CELF2: variants seen among roughly 807,000 people sequenced by gnomAD.
CELF2 encodes CUGBP Elav-like family member 2.
A neutral mutation model predicts 62.6 loss-of-function variants in CELF2; 8 were observed. The ratio of observed to expected loss-of-function variants is 0.13; its 90% CI spans 0.07 to 0.23. CELF2 has a LOEUF of 0.23. Among genes scored for constraint, CELF2 ranks in the 10% least tolerant of loss-of-function variants. The pLI is 1.00. For synonymous variants in CELF2, 258 were observed against 250.0 expected (o/e 1.03, Z -0.30); for missense variants, 333 against 671.0 (o/e 0.50, Z 5.56).
rs986059957 is a variant in CELF2 at position 11,302,052 on chromosome 10, G to A, written c.977-12087G>A. Among the ~76,000 whole-genome samples, 1 of 152,166 alleles carries A rather than the reference G, an allele frequency of 6.6e-6. No individual in the cohort carries two copies. Among genetic ancestry groups the A allele is most frequent in the African/African-American group, 2.4e-5 (1 of 41,448 alleles). ...TGATTCTCATAGTTTCTAGGGAAAC[G>A]GACAAGCAAATCCCTGCTCTTCAAC... On this transcript the variant is annotated intron_variant, in intron 9 of 12. Coordinates refer to ENST00000633077, the MANE Select transcript of CELF2 (RefSeq NM_001326342.2). The surrounding 1 kb of genome is among the most constrained non-coding windows in gnomAD (Gnocchi z 5.0).
At chr10:11,095,349 C>T (rs891325781) in intron 1 of CELF2, among the ~76,000 whole-genome samples, 11 of 152,076 alleles carry the variant, frequency 7.2e-5, no homozygotes, top group African/African-American at 2.7e-4. Flanking sequence ...CGGTTGTGTG[C>T]GGCATCATCC....
At chr10:10,515,569 C>G in the CELF2 span, among the ~76,000 whole-genome samples, 2 of 152,190 alleles carry the variant, frequency 1.3e-5, no homozygotes, top group Admixed American at 1.3e-4. Flanking sequence ...TCCTTTTTAG[C>G]TCAGTGTCCC....
intron 1 of CELF2, among the ~76,000 whole-genome samples, chr10:11,142,697 A>AG (rs1388020958): frequency 1.3e-5 from 2 of 151,782 alleles, no homozygotes; most frequent in African/African-American, 4.8e-5. Context: ...AAAAAAAAAA[A>AG]AAAAAAGCAG....
At chr10:10,645,120 C>A in the CELF2 span, among the ~76,000 whole-genome samples, 4 of 152,156 alleles carry the variant, frequency 2.6e-5, no homozygotes, top group Non-Finnish European at 4.4e-5. Context: ...CAGTAGGGTG[C>A]CATGTAGCTT....
chr10:10,472,064 G>A, the CELF2 span, among the ~76,000 whole-genome samples: 1 of 151,734 alleles, frequency 6.6e-6, no homozygotes, highest in African/African-American at 2.4e-5. Context: ...ATTACAAGGT[G>A]CTTACGAATA....
chr10:11,119,692 G>A lies in CELF2; in HGVS notation c.75-45794G>A, dbSNP rs1311233108. Reference sequence around the variant, plus strand: ...AGTGAGGGATACAAACATACAAATAGACTTTTCACAGAGAAAGAAATACAA... The same window carrying A: ...AGTGAGGGATACAAACATACAAATAAACTTTTCACAGAGAAAGAAATACAA... On this transcript the variant is annotated intron_variant, in intron 1 of 12. Transcript: ENST00000633077. Among the ~76,000 whole-genome samples, 7 of 151,850 alleles carry A rather than the reference G, an allele frequency of 4.6e-5. No homozygotes were observed. In the East Asian group the frequency reaches 1.4e-3, roughly 29 times the overall value.
the CELF2 span, among the ~76,000 whole-genome samples, chr10:10,617,711 G>T: frequency 2.7e-4 from 12 of 44,770 alleles, no homozygotes; most frequent in South Asian, 2.5e-3. Flanking sequence ...CTTTGTAAAG[G>T]GGGGGGAAAT....
chr10:10,777,195 C>A, the CELF2 span, among the ~76,000 whole-genome samples: 1 of 152,166 alleles, frequency 6.6e-6, no homozygotes, highest in Non-Finnish European at 1.5e-5. Flanking sequence ...TTCCACTCCA[C>A]CAGCTTTAGA....
intron 1 of CELF2, chr10:10,846,033 C>T (rs1564709116): frequency 2.4e-6 from 2 of 826,316 alleles, no homozygotes; most frequent in African/African-American, 3.7e-5. Flanking sequence ...TAAAATGACT[C>T]ATTAACCTGT....
chr10:10,490,296 C>T, the CELF2 span, among the ~76,000 whole-genome samples: 1 of 152,086 alleles, frequency 6.6e-6, no homozygotes. Context: ...TTAAGGCTTG[C>T]AAAATTGTCA....
At chr10:10,627,547 C>G in the CELF2 span, among the ~76,000 whole-genome samples, 1 of 152,176 alleles carries the variant, frequency 6.6e-6, no homozygotes, top group Non-Finnish European at 1.5e-5. Flanking sequence ...CACTGAAGCT[C>G]TTTCACAGAT....
intron 1 of CELF2, among the ~76,000 whole-genome samples, chr10:10,884,611 C>T (rs1295861068): frequency 1.3e-5 from 2 of 152,166 alleles, no homozygotes; most frequent in Non-Finnish European, 2.9e-5. Context: ...TTTGCCTACC[C>T]ATACATTCAA....
At chr10:10,569,542 A>G in the CELF2 span, among the ~76,000 whole-genome samples, 1 of 152,224 alleles carries the variant, frequency 6.6e-6, no homozygotes, top group African/African-American at 2.4e-5. Flanking sequence ...CTATCAGTAA[A>G]GGATAAAATA....
the CELF2 span, among the ~76,000 whole-genome samples, chr10:10,604,105 G>T: frequency 6.6e-6 from 1 of 152,158 alleles, no homozygotes; most frequent in Non-Finnish European, 1.5e-5. Context: ...CACTACTAGG[G>T]AGGCTGAGGC....
the CELF2 span, among the ~76,000 whole-genome samples, chr10:10,610,475 T>C: frequency 1.3e-5 from 2 of 152,228 alleles, no homozygotes; most frequent in Admixed American, 1.3e-4. Context: ...TTGAGGTTGG[T>C]ATTTTTTTAG....
At position 11,305,952 on chromosome 10, in the gene CELF2, C is replaced by T. The variant is rs2094172540; in HGVS notation, c.977-8187C>T. Among the ~76,000 whole-genome samples, 1 of 152,224 alleles carries T rather than the reference C, an allele frequency of 6.6e-6. No homozygotes were observed. The highest frequency in any genetic ancestry group is 2.4e-5 in the African/African-American group (1 of 41,462). On this transcript the variant is annotated intron_variant, in intron 9 of 12. Coordinates refer to ENST00000633077, the MANE Select transcript of CELF2 (RefSeq NM_001326342.2). This position sits in a 1 kb window ranked among gnomAD's most constrained non-coding sequence, Gnocchi z 4.8. ...CCCACAAACAGTTTTCACAAAAGGC[C>T]ACAGACTTTGTCTGCACATGAGCTG...
chr10:11,082,927 T>A lies in CELF2; in HGVS notation c.74+64764T>A, dbSNP rs199955022. On this transcript the variant is annotated intron_variant, in intron 1 of 12. Transcript: ENST00000633077. ...CCCCTTGGTGTGTAATGATTAGCTG[T>A]AAATGGAATGAGGTGAAGTTACTTT... Among the ~76,000 whole-genome samples the A allele has an allele frequency of 7.2e-5, 11 of 152,358 alleles. No homozygotes were observed. In the East Asian group the frequency reaches 1.9e-3, roughly 27 times the overall value.
intron 10 of CELF2, among the ~76,000 whole-genome samples, chr10:11,320,384 T>TA (rs2095363700): frequency 6.6e-6 from 1 of 152,208 alleles, no homozygotes; most frequent in East Asian, 1.9e-4. Context: ...CTGGAGCTCT[T>TA]TCAGTGGCCG....
chr10:11,154,356 G>A (rs542594855), intron 1 of CELF2, among the ~76,000 whole-genome samples: 34 of 152,316 alleles, frequency 2.2e-4, no homozygotes, highest in African/African-American at 7.7e-4. Context: ...GTAGTATTTG[G>A]TACTGATTTC....
Sources: gnomAD v4.1 joint callset for allele counts (sites outside exome capture counted in the v4.1 genomes callset) on GRCh38, gnomAD v4.1.1 for gene constraint, Gnocchi (gnomAD v3.1) non-coding constraint, MANE v1.5 for transcripts, NCBI Gene and HGNC (gene_info 2026-07-23, HGNC 2026-07-21) for gene names.